The following INSL6 variants were observed in gnomAD, a reference collection of about 807,000 sequenced individuals.
INSL6 encodes the protein insulin-like peptide INSL6.
INSL6 carries 16 observed loss-of-function variants against 9.4 expected under a neutral mutation model. That is an observed-to-expected ratio of 1.70 (90% CI 1.15 to 2.59). The LOEUF (loss-of-function observed/expected upper bound fraction) is 2.59, where lower values mean the gene tolerates loss of function less well. INSL6 is among the 30% of genes most tolerant of loss of function. INSL6 has a pLI of 0.00. For missense variants in INSL6, 391 were observed against 257.3 expected, an observed-to-expected ratio of 1.52 and a Z score of -3.56; for synonymous variants, 154 against 96.9, an observed-to-expected ratio of 1.59 and a Z score of -3.46.
the INSL6 span, among the ~76,000 whole-genome samples, chr9:5,023,357 A>G: frequency 2.6e-5 from 4 of 152,164 alleles, no homozygotes; most frequent in East Asian, 7.7e-4. Context: ...TTACGATGCC[A>G]CTGGGCCCCA....
downstream of INSL6, among the ~76,000 whole-genome samples, chr9:5,162,853 C>T (rs553563250): frequency 7.2e-5 from 11 of 152,212 alleles, no homozygotes; most frequent in African/African-American, 2.4e-4. Context: ...AACTAGAGAA[C>T]GATCTCAAAT....
At chr9:5,105,923 T>TAAAG in the INSL6 span, among the ~76,000 whole-genome samples, 1 of 152,214 alleles carries the variant, frequency 6.6e-6, no homozygotes, top group Non-Finnish European at 1.5e-5. Flanking sequence ...CAAGATGGAT[T>TAAAG]AAAGACTTAA....
chr9:5,005,083 A>ATTTTT, the INSL6 span, among the ~76,000 whole-genome samples: 14 of 40,032 alleles, frequency 3.5e-4, 4 homozygotes, highest in South Asian at 2.1e-3. Flanking sequence ...TGCCTGGCTA[A>ATTTTT]TTTTTTTTTT....
chr9:5,159,316 G>A (rs1824875480), downstream of INSL6, among the ~76,000 whole-genome samples: 1 of 151,054 alleles, frequency 6.6e-6, no homozygotes, highest in Non-Finnish European at 1.5e-5. Context: ...TGAATGTGAG[G>A]GGACTAAACT....
At chr9:5,061,337 A>G in the INSL6 span, among the ~76,000 whole-genome samples, 1 of 152,342 alleles carries the variant, frequency 6.6e-6, no homozygotes, top group African/African-American at 2.4e-5. Flanking sequence ...TATTCTTCCA[A>G]CAGAAGGCTG....
chr9:5,112,860 T>C, the INSL6 span: 1 of 464,048 alleles, frequency 2.2e-6, no homozygotes, highest in Non-Finnish European at 3.5e-6. Flanking sequence ...AAGGTACGCC[T>C]CCGTGGGACG....
intron 3 of INSL6, chr9:5,126,473 A>G: frequency 6.9e-7 from 1 of 1,442,294 alleles, no homozygotes; most frequent in Non-Finnish European, 9.7e-7. Context: ...AATCCAGGGT[A>G]GTCATGCATT....
the INSL6 span, among the ~76,000 whole-genome samples, chr9:4,994,712 AT>A: frequency 3.2e-4 from 49 of 152,280 alleles, no homozygotes; most frequent in African/African-American, 1.2e-3. Flanking sequence ...AGCTGGCTAA[AT>A]TTGGTATGTG....
At chr9:5,085,899 C>G in the INSL6 span, 12 of 886,688 alleles carry the variant, frequency 1.4e-5, no homozygotes, top group African/African-American at 1.6e-5. Flanking sequence ...CGGTTCCTTT[C>G]TAATACCCTC....
chr9:5,032,016 A>G, the INSL6 span, among the ~76,000 whole-genome samples: 1 of 152,372 alleles, frequency 6.6e-6, no homozygotes, highest in Non-Finnish European at 1.5e-5. Flanking sequence ...CTAGTCAAAG[A>G]AAGGGGTGAC....
chr9:5,040,151 C>G, the INSL6 span, among the ~76,000 whole-genome samples: 1 of 152,142 alleles, frequency 6.6e-6, no homozygotes, highest in Non-Finnish European at 1.5e-5. Flanking sequence ...TATAATTTCT[C>G]ACATTGATGG....
At chr9:5,169,569 C>T (rs1286641246) in intron 1 of INSL6, among the ~76,000 whole-genome samples, 1 of 152,098 alleles carries the variant, frequency 6.6e-6, no homozygotes, top group African/African-American at 2.4e-5. Context: ...TTAAAAGACA[C>T]AAAGGGCAAG....
intron 2 of INSL6, among the ~76,000 whole-genome samples, chr9:5,150,563 G>C (rs539240662): frequency 6.6e-6 from 1 of 152,024 alleles, no homozygotes; most frequent in Admixed American, 6.6e-5. Context: ...TTATTAAATC[G>C]TCAACAAATA....
chr9:5,009,973 A>G, the INSL6 span, among the ~76,000 whole-genome samples: 4 of 152,212 alleles, frequency 2.6e-5, no homozygotes, highest in Admixed American at 6.5e-5. Flanking sequence ...GGGTCTCGCA[A>G]TGTTGCCGGG....
At chr9:5,162,553 G>A (rs1301025191), downstream of INSL6, among the ~76,000 whole-genome samples, 1 of 152,042 alleles carries the variant, frequency 6.6e-6, no homozygotes, top group Non-Finnish European at 1.5e-5. Flanking sequence ...CTGTATTTTA[G>A]CCAAAGCATA....
the INSL6 span, among the ~76,000 whole-genome samples, chr9:5,024,650 T>C: frequency 6.6e-6 from 1 of 152,200 alleles, no homozygotes; most frequent in African/African-American, 2.4e-5. Context: ...GTTTTGGTTT[T>C]CAGTGTGTTT....
the INSL6 span, among the ~76,000 whole-genome samples, chr9:5,044,850 G>C: frequency 6.6e-6 from 1 of 152,108 alleles, no homozygotes; most frequent in Non-Finnish European, 1.5e-5. Context: ...TAAAATATTA[G>C]TAACATTTCT....
the INSL6 span, among the ~76,000 whole-genome samples, chr9:5,038,994 C>G: frequency 6.6e-6 from 1 of 151,974 alleles, no homozygotes; most frequent in East Asian, 1.9e-4. Context: ...ATAGGAATGG[C>G]AAGGAACTTC....
chr9:5,085,371 A>T, the INSL6 span: 1 of 901,692 alleles, frequency 1.1e-6, no homozygotes. Context: ...AGGTGATCTC[A>T]TGCACCACTG....
Sources: gnomAD v4.1 joint callset for allele counts (sites outside exome capture counted in the v4.1 genomes callset) on GRCh38, gnomAD v4.1.1 for gene constraint, MANE v1.5 for transcripts, NCBI Gene and HGNC (gene_info 2026-07-23, HGNC 2026-07-21) for gene names.